The following MAGI1 variants were observed in gnomAD, a reference collection of about 807,000 sequenced individuals.
The protein encoded by MAGI1 is membrane associated guanylate kinase, WW and PDZ domain containing 1.
Under a neutral mutation model 139.9 loss-of-function variants are expected in MAGI1, and 58 were observed. That is an observed-to-expected ratio of 0.41 (90% CI 0.34 to 0.52). The LOEUF (loss-of-function observed/expected upper bound fraction) is 0.52, where lower values mean the gene tolerates loss of function less well. Ranked by LOEUF, MAGI1 falls within the 20% of genes least tolerant of loss-of-function variation. The pLI, the probability that MAGI1 is intolerant of heterozygous loss-of-function variation, is 0.12. For synonymous variants in MAGI1, 812 were observed against 737.9 expected (o/e 1.10, Z -1.63); for missense variants, 1,874 against 1,901.6 (o/e 0.99, Z 0.27).
At position 65,739,998 on chromosome 3, in the gene MAGI1, T is replaced by TA. The variant is rs11291014; in HGVS notation, c.314-117911dup. On this transcript the variant is annotated intron_variant, in intron 1 of 22. Coordinates refer to ENST00000402939, the MANE Select transcript of MAGI1 (RefSeq NM_001033057.2). ...AAAGTTGCCACAAACCTTCAAGTTG[T>TA]AAAAAAAAAAATGCAGTATCTGCAA... 3.2e-3 allele frequency among the ~76,000 whole-genome samples: 480 copies of TA among 151,284 alleles called. 4 individuals carry two copies. Among genetic ancestry groups the TA allele is most frequent in the African/African-American group, 0.011 (457 of 41,212 alleles).
At chr3:65,583,284 C>A (rs1230949383) in intron 2 of MAGI1, among the ~76,000 whole-genome samples, 1 of 152,060 alleles carries the variant, frequency 6.6e-6, no homozygotes, top group African/African-American at 2.4e-5. Flanking sequence ...GATCTTAGAA[C>A]TGATTTTGAA....
chr3:65,606,250 A>T (rs993664577), intron 2 of MAGI1, among the ~76,000 whole-genome samples: 12 of 152,164 alleles, frequency 7.9e-5, no homozygotes, highest in Non-Finnish European at 7.4e-5. Context: ...TTCCACATCC[A>T]AAACCTATGT....
intron 21 of MAGI1, among the ~76,000 whole-genome samples, chr3:65,362,341 GTAAAGTAATT>G (rs1330670096): frequency 6.8e-6 from 1 of 146,602 alleles, no homozygotes; most frequent in Non-Finnish European, 1.5e-5. Flanking sequence ...GTAATTTAAA[GTAAAGTAATT>G]TAAAGTAATT....
At chr3:65,772,361 C>T (rs1032465151) in intron 1 of MAGI1, among the ~76,000 whole-genome samples, 6 of 152,200 alleles carry the variant, frequency 3.9e-5, no homozygotes, top group African/African-American at 1.4e-4. Context: ...TTCTTTGTCT[C>T]TTCTGCACTG....
chr3:65,472,305 T>C (rs1243065373), intron 4 of MAGI1, among the ~76,000 whole-genome samples: 1 of 152,162 alleles, frequency 6.6e-6, no homozygotes, highest in African/African-American at 2.4e-5. Context: ...CTTTTCACAC[T>C]TAAGTGCATA....
intron 5 of MAGI1, among the ~76,000 whole-genome samples, chr3:65,467,214 G>A (rs1179012965): frequency 2.0e-5 from 3 of 152,110 alleles, no homozygotes; most frequent in Non-Finnish European, 4.4e-5. Context: ...ATCCATGCTT[G>A]ATTTTTTAAT....
intron 3 of MAGI1, among the ~76,000 whole-genome samples, chr3:65,485,609 A>G (rs1026734085): frequency 7.2e-5 from 11 of 152,248 alleles, no homozygotes; most frequent in Non-Finnish European, 1.6e-4. Context: ...GATAGATAAT[A>G]GGGTTAATGT....
chr3:65,950,428 C>T lies in MAGI1; in HGVS notation c.313+87568G>A, dbSNP rs921662776. 1.2e-4 allele frequency among the ~76,000 whole-genome samples: 18 copies of T among 152,244 alleles called. 1 individual carries two copies. In the East Asian group the frequency reaches 3.5e-3, roughly 29 times the overall value. ...GGCCCCAAAAGACTAAAAGCCCAGG[C>T]TTGTACCCCGCCCTCGCTGTTGAAG... On this transcript the variant is annotated intron_variant, in intron 1 of 22. Coordinates refer to ENST00000402939, the MANE Select transcript of MAGI1 (RefSeq NM_001033057.2).
chr3:66,007,165 GTCTAT>G (rs1390377235), intron 1 of MAGI1, among the ~76,000 whole-genome samples: 79 of 152,166 alleles, frequency 5.2e-4, no homozygotes, highest in African/African-American at 1.8e-3. Flanking sequence ...GTCACGTAAA[GTCTAT>G]TAAGCTTGAC....
intron 1 of MAGI1, among the ~76,000 whole-genome samples, chr3:65,835,555 C>T (rs1185186081): frequency 6.6e-6 from 1 of 151,980 alleles, no homozygotes; most frequent in East Asian, 1.9e-4. Context: ...ACAAATAGAA[C>T]TCATGAGTAT....
intron 1 of MAGI1, among the ~76,000 whole-genome samples, chr3:65,747,106 G>A (rs1055707382): frequency 6.6e-6 from 1 of 152,202 alleles, no homozygotes; most frequent in Non-Finnish European, 1.5e-5. Context: ...GTCAAAGCCA[G>A]CCTGAGCAAC....
intron 1 of MAGI1, among the ~76,000 whole-genome samples, chr3:65,816,528 C>A (rs917817395): frequency 4.6e-5 from 7 of 151,412 alleles, no homozygotes; most frequent in Non-Finnish European, 7.4e-5. Context: ...TGACCGTAAA[C>A]AAAGTGGCAA....
intron 5 of MAGI1, among the ~76,000 whole-genome samples, chr3:65,458,366 T>G (rs111551916): frequency 1.4e-3 from 217 of 151,960 alleles, no homozygotes; most frequent in African/African-American, 3.1e-3. Context: ...TTGTTTGTTT[T>G]TTTTTTTTGG....
At chr3:65,674,162 T>C (rs1400272411) in intron 1 of MAGI1, among the ~76,000 whole-genome samples, 1 of 152,182 alleles carries the variant, frequency 6.6e-6, no homozygotes, top group Non-Finnish European at 1.5e-5. Context: ...ATTAAAGATA[T>C]AAGCAATGAC....
chr3:65,883,522 G>A (rs1455279009), intron 1 of MAGI1, among the ~76,000 whole-genome samples: 1 of 152,160 alleles, frequency 6.6e-6, no homozygotes, highest in African/African-American at 2.4e-5. Context: ...TACAGAAACT[G>A]GCAATTTGCT....
At chr3:65,859,419 T>C (rs141584093) in intron 1 of MAGI1, among the ~76,000 whole-genome samples, 3 of 151,800 alleles carry the variant, frequency 2.0e-5, no homozygotes, top group Non-Finnish European at 2.9e-5. Context: ...AAATGCCACA[T>C]AAGCAACTTA....
chr3:66,031,252 T>C (rs776905070), intron 1 of MAGI1, among the ~76,000 whole-genome samples: 18 of 152,242 alleles, frequency 1.2e-4, no homozygotes, highest in Non-Finnish European at 1.6e-4. Context: ...TACTTGTATA[T>C]ACAAACTCAA....
chr3:65,503,973 C>CATT (rs1340508669), intron 2 of MAGI1, among the ~76,000 whole-genome samples: 1 of 152,140 alleles, frequency 6.6e-6, no homozygotes, highest in Non-Finnish European at 1.5e-5. Context: ...AGGAGATCCA[C>CATT]ATTATGTCAA....
At chr3:65,532,872 C>T (rs944720606) in intron 2 of MAGI1, 3 of 152,382 alleles carry the variant, frequency 2.0e-5, no homozygotes, top group African/African-American at 7.2e-5. Context: ...GCCTCCTTCT[C>T]ACCGGTCAAG....
Sources: allele counts gnomAD v4.1 joint callset (sites outside exome capture counted in the v4.1 genomes callset), GRCh38; gene constraint gnomAD v4.1.1; transcripts MANE v1.5; gene names NCBI Gene and HGNC (gene_info 2026-07-23, HGNC 2026-07-21).